Variants in CACNA1F observed in about 807,000 individuals in gnomAD.
The protein encoded by CACNA1F is voltage-dependent L-type calcium channel subunit alpha-1F.
In CACNA1F, 59 loss-of-function variants were observed where a neutral mutation model predicts 143.8. The ratio of observed to expected loss-of-function variants is 0.41; its 90% CI spans 0.33 to 0.51. The LOEUF (loss-of-function observed/expected upper bound fraction) is 0.51. Among genes scored for constraint, CACNA1F ranks in the 20% least tolerant of loss-of-function variants. The probability of loss-of-function intolerance (pLI) is 0.22; values close to 1 mark genes in which losing one functional copy is unlikely to be tolerated. For synonymous variants in CACNA1F, 643 were observed against 649.1 expected, an observed-to-expected ratio of 0.99 and a Z score of 0.14; for missense variants, 1,411 against 1,647.5, an observed-to-expected ratio of 0.86 and a Z score of 2.48.
At chrX:49,225,010 A>T in intron 13 of CACNA1F, 24 bp from the exon 14 acceptor site, 1 of 1,068,604 alleles carries the variant, frequency 9.4e-7, no homozygotes, top group Non-Finnish European at 1.3e-6. Flanking sequence ...GGCAGGGATG[A>T]TCGGGCTGGC....
chrX:49,225,078 G>C, intron 13 of CACNA1F, 92 bp from the exon 14 acceptor site: 1 of 586,430 alleles, frequency 1.7e-6, no homozygotes, highest in Non-Finnish European at 2.9e-6. Context: ...ACCCACGGTA[G>C]CTGGTATCAG....
At chrX:49,230,659 C>T (rs782233734) in intron 4 of CACNA1F, 50 bp from the exon 5 acceptor site, 15 of 1,128,456 alleles carry the variant, frequency 1.3e-5, no homozygotes, top group African/African-American at 5.4e-5. Flanking sequence ...CTTGGGATTC[C>T]CCCCTCCACC....
chrX:49,217,834 G>C (rs782260421), intron 25 of CACNA1F, 27 bp from the exon 26 acceptor site: 1 of 1,201,858 alleles, frequency 8.3e-7, no homozygotes, highest in African/African-American at 1.7e-5. Flanking sequence ...TGTCAAGTAG[G>C]TTCACCCTTC....
chrX:49,227,909 A>G, intron 8 of CACNA1F, 127 bp downstream of exon 8: 1 of 535,519 alleles, frequency 1.9e-6, no homozygotes, highest in Non-Finnish European at 3.3e-6. Context: ...CTCACATACA[A>G]TAGATGCTCA....
chrX:49,205,851 G>A (rs899443118), intron 46 of CACNA1F, 38 bp from the exon 47 acceptor site: 3 of 1,122,999 alleles, frequency 2.7e-6, no homozygotes, highest in Middle Eastern at 4.9e-4. Flanking sequence ...AGGGATGGAT[G>A]AGTAGGGTAT....
intron 30 of CACNA1F, 64 bp from the exon 31 acceptor site, chrX:49,213,966 G>T: frequency 2.4e-6 from 2 of 843,194 alleles, no homozygotes; most frequent in Non-Finnish European, 3.5e-6. Flanking sequence ...TAGGGGGCCA[G>T]TAGTAGTAGG....
rs782550704 is a variant in CACNA1F, at chrX:49,205,546, C to T, written c.5670+70G>A. 4.1e-4 allele frequency: 434 copies of T among 1,056,127 alleles called. 1 individual carries two copies. The highest frequency in any genetic ancestry group is 5.4e-4 in the Non-Finnish European group (413 of 771,267). 87.0% of individuals were successfully genotyped at this position (1,056,127 alleles called of 1,213,427 possible). A position where few individuals can be genotyped will look rare whatever the true frequency, so the allele number is the denominator to read the frequency against. On this transcript the variant is annotated intron_variant, in intron 47 of 47. Transcript: ENST00000323022. ...AACACAGGACCTGGGGACTCCTTTC[C>T]GTCCTCCTCCAGTACCCACCTCCTC...
chrX:49,209,102 T>C (rs1442631884), intron 42 of CACNA1F, 160 bp downstream of exon 42: 2 of 593,437 alleles, frequency 3.4e-6, no homozygotes, highest in Non-Finnish European at 5.5e-6. Context: ...GCTGGGATTA[T>C]AGGCATGAGC....
At chrX:49,210,803 A>T in intron 37 of CACNA1F, 117 bp from the exon 38 acceptor site, 1 of 848,679 alleles carries the variant, frequency 1.2e-6, no homozygotes, top group Non-Finnish European at 1.7e-6. Context: ...GCCAGGGAAG[A>T]ACTGGAGGGC....
Position 49,206,786 on chromosome X carries a change from C to T in CACNA1F, c.5301G>A (p.Gln1767=). ...GTACCAGGTGCCCATCCATGTATCT[C>T]TGAGCTCTGTGAGGTGGCAAAAGGA... ...CSVLLPPHRA[Q]RYMDGHLVPR... is the part of the protein sequence containing the mutation. Residue 1767 remains glutamine, a synonymous_variant, in exon 45 of 48, where the codon CAG becomes CAA. Transcript: ENST00000323022. 1 of 1,209,033 alleles carries T rather than the reference C, an allele frequency of 8.3e-7. No homozygotes were observed. The highest frequency in any genetic ancestry group is 1.8e-5 in the South Asian group (1 of 56,552).
At position 49,223,165 on chromosome X, in the gene CACNA1F, C is replaced by T. The variant is rs782538996; in HGVS notation, c.1878-29G>A. The T allele has an allele frequency of 1.7e-4, 173 of 1,009,686 alleles. 1 individual carries two copies. The South Asian group carries it at 2.5e-3, about 15-fold the overall frequency. The allele number at this position is 1,009,686 out of a possible 1,213,427, so 83.2% of individuals were successfully genotyped here. A position where few individuals can be genotyped will look rare whatever the true frequency, so the allele number is the denominator to read the frequency against. On this transcript the variant is annotated intron_variant, in intron 14 of 47. Coordinates refer to ENST00000323022, the MANE Select transcript of CACNA1F (RefSeq NM_001256789.3). Reference sequence around the variant, plus strand: ...CAGCAGAAATGGGAGGGGGCAGGGTCGATGCCATGTCCACTGGACATGGCT... The same window carrying T: ...CAGCAGAAATGGGAGGGGGCAGGGTTGATGCCATGTCCACTGGACATGGCT...
rs370218215 is a variant in CACNA1F, at chrX:49,207,130, C to T, written c.5124-18G>A. 47 of 1,002,641 alleles carry T rather than the reference C, an allele frequency of 4.7e-5. No individual in the cohort carries two copies. In the Middle Eastern group the frequency reaches 7.9e-4, roughly 17 times the overall value. 82.6% of individuals were successfully genotyped at this position (1,002,641 alleles called of 1,213,427 possible). Reference sequence around the variant, plus strand: ...AGCCTCTCCTGGGGAAAGGGAGGCACGTTAGGCAGACCAGATCCCTCAATA... The same window carrying T: ...AGCCTCTCCTGGGGAAAGGGAGGCATGTTAGGCAGACCAGATCCCTCAATA... On this transcript the variant is annotated intron_variant, in intron 43 of 47. Transcript: ENST00000323022.
rs782124732 is a variant in CACNA1F, at chrX:49,210,353, G to T, written c.4536C>A (p.Phe1512Leu). The stretch of plus-strand genomic sequence containing the variant: ...GGACCAGGGCAAAGAGTGTGGCGTT[G>T]AATGTCACCGTCCCATCTGAGTTGA... The part of the protein sequence containing the change: ...MPLNSDGTVT[F>L]NATLFALVRT... Residue 1512 changes from phenylalanine (F) to leucine (L), a missense_variant, in exon 39 of 48, where the codon TTC becomes TTA. By Grantham distance (22) the Phe-to-Leu change is conservative. Transcript: ENST00000323022. 1.2e-5 allele frequency: 14 copies of T among 1,207,346 alleles called. No homozygotes were observed. Among genetic ancestry groups the T allele is most frequent in the Non-Finnish European group, 1.6e-5 (14 of 892,815 alleles).
chrX:49,211,536 T>C (rs782743148), intron 35 of CACNA1F, 55 bp from the exon 36 acceptor site: 2 of 1,050,936 alleles, frequency 1.9e-6, no homozygotes, highest in Admixed American at 2.2e-5. Context: ...GAAGTCATGG[T>C]AAATGGAGTT....
intron 18 of CACNA1F, 30 bp downstream of exon 18, chrX:49,221,005 G>A (rs376992688): frequency 2.5e-5 from 28 of 1,135,029 alleles, no homozygotes; most frequent in Non-Finnish European, 3.3e-5. Flanking sequence ...GGAGTGGGAG[G>A]TGTAGACAGT....
chrX:49,231,264 C>T lies in CACNA1F; in HGVS notation c.319G>A (p.Val107Met), dbSNP rs2065876377. The change falls in exon 3 of 48, where the codon GTG (valine) becomes ATG (methionine). Residue 107 changes from valine to methionine, a missense_variant. By Grantham distance (21) the Val-to-Met change is conservative. Around this residue, in one of 3 missense-constraint regions of CACNA1F, gnomAD observed 950 missense variants for 1,128.1 expected, o/e 0.84. Transcript: ENST00000323022. ...LILLTIFANC[V>M]ALGVYIPFPE... ...AAGGGGATGTAAACTCCCAGGGCCACGCAGTTGGCAAAGATGGTCAGCAGG... is the reference window on the plus strand; with the variant it reads ...AAGGGGATGTAAACTCCCAGGGCCATGCAGTTGGCAAAGATGGTCAGCAGG... The T allele has an allele frequency of 6.0e-6, 7 of 1,167,243 alleles. No individual in the cohort carries two copies. The East Asian group carries it at 9.7e-5, about 16-fold the overall frequency.
At chrX:49,210,179 C>G (rs1557105864) in intron 39 of CACNA1F, 122 bp downstream of exon 39, 2 of 684,983 alleles carry the variant, frequency 2.9e-6, no homozygotes, top group African/African-American at 2.1e-5. Flanking sequence ...TGGGGGGAAA[C>G]AGGCCTGGAG....
Position 49,211,983 on chromosome X carries a change from C to T in CACNA1F, c.4015G>A (p.Gly1339Ser), listed in dbSNP as rs782780521. ...GTGCCATCCTGAAGAGCCACCTTGC[C>T]GAACATCTGTGGACACATCAAGGCT... The part of the protein sequence containing the change: ...IYAVIGMQMF[G>S]KVALQDGTQI... The change falls in exon 35 of 48, where the codon GGC becomes AGC. Residue 1339 changes from glycine (G) to serine (S), a missense_variant. Transcript: ENST00000323022. 26 of 1,205,971 alleles carry T rather than the reference C, an allele frequency of 2.2e-5. No homozygotes were observed. The highest frequency in any genetic ancestry group is 8.9e-5 in the East Asian group (3 of 33,744).
Position 49,209,686 on chromosome X carries a change from C to A in CACNA1F, c.4764G>T (p.Arg1588Ser). The A allele has an allele frequency of 8.3e-7, 1 of 1,210,978 alleles. No homozygotes were observed. Among genetic ancestry groups the A allele is most frequent in the Non-Finnish European group, 1.1e-6 (1 of 894,996 alleles). ...IQDYFRKFRR[R>S]KEKGLLGNDA... ...CGTTGCCTAGTAGCCCTTTTTCTTT[C>A]CTCCGCCGGAATTTGCGGAAATAGT... Residue 1588 changes from arginine to serine, a missense_variant, in exon 41 of 48, where the codon AGG (arginine) becomes AGT (serine). Around this residue, in one of 3 missense-constraint regions of CACNA1F, gnomAD observed 349 missense variants for 350.2 expected, o/e 1.00. Transcript: ENST00000323022.
Sources: gnomAD v4.1 joint callset for allele counts on GRCh38, gnomAD v4.1.1 for gene constraint, gnomAD v4.1.1 regional missense constraint, MANE v1.5 for transcripts, NCBI Gene and HGNC (gene_info 2026-07-23, HGNC 2026-07-21) for gene names.